Variants in CNTNAP2 observed in about 807,000 individuals in gnomAD.
CNTNAP2 encodes contactin associated protein 2, also known as contactin-associated protein-like 2.
In CNTNAP2, 98 loss-of-function variants were observed where a neutral mutation model predicts 155.2. That is an observed-to-expected ratio of 0.63 (90% confidence interval 0.54 to 0.75). The LOEUF is 0.75. Ranked by LOEUF, CNTNAP2 falls within the 30% of genes least tolerant of loss-of-function variation. The pLI is 0.00. For synonymous variants in CNTNAP2, 651 were observed against 631.2 expected, an observed-to-expected ratio of 1.03 and a Z score of -0.47; for missense variants, 1,727 against 1,688.1, an observed-to-expected ratio of 1.02 and a Z score of -0.40.
intron 16 of CNTNAP2, among the ~76,000 whole-genome samples, chr7:148,136,699 G>A (rs922994138): frequency 6.6e-6 from 1 of 151,980 alleles, no homozygotes; most frequent in African/African-American, 2.4e-5. Flanking sequence ...ACCATCCCAG[G>A]ATGGAGGCTG....
intron 3 of CNTNAP2, among the ~76,000 whole-genome samples, chr7:146,961,858 T>A (rs910226213): frequency 6.6e-6 from 1 of 152,138 alleles, no homozygotes; most frequent in Admixed American, 6.5e-5. Flanking sequence ...TGAGCTAAAT[T>A]TGACTCCTGA....
At chr7:148,412,368 G>A (rs1046046649) in intron 23 of CNTNAP2, among the ~76,000 whole-genome samples, 4 of 152,224 alleles carry the variant, frequency 2.6e-5, no homozygotes, top group African/African-American at 9.6e-5. Flanking sequence ...ACATCTTAAC[G>A]ATATTTAGTA....
At chr7:146,553,777 TA>T (rs111572722) in intron 1 of CNTNAP2, among the ~76,000 whole-genome samples, 23 of 149,898 alleles carry the variant, frequency 1.5e-4, no homozygotes, top group Middle Eastern at 3.5e-3. Flanking sequence ...TTTTGTTTCT[TA>T]AAAAAAAAAT....
At chr7:147,790,250 C>T (rs574421236) in intron 13 of CNTNAP2, among the ~76,000 whole-genome samples, 2 of 152,232 alleles carry the variant, frequency 1.3e-5, no homozygotes, top group South Asian at 4.2e-4. Flanking sequence ...CAGCCCTGCT[C>T]ACTTTCTTCA....
At chr7:146,597,963 C>A (rs149540109) in intron 1 of CNTNAP2, among the ~76,000 whole-genome samples, 3 of 152,172 alleles carry the variant, frequency 2.0e-5, no homozygotes, top group Non-Finnish European at 4.4e-5. Context: ...TGCAGCCTTA[C>A]AAGGTCATAA....
intron 3 of CNTNAP2, among the ~76,000 whole-genome samples, chr7:147,029,929 C>G (rs1423513690): frequency 1.3e-5 from 2 of 152,124 alleles, no homozygotes; most frequent in Non-Finnish European, 2.9e-5. Flanking sequence ...GCTCTTGGTT[C>G]CACATTCAGA....
chr7:147,012,567 T>G (rs943853462), intron 3 of CNTNAP2, among the ~76,000 whole-genome samples: 1 of 152,106 alleles, frequency 6.6e-6, no homozygotes, highest in Non-Finnish European at 1.5e-5. Flanking sequence ...TGGTCACAAC[T>G]TGAAAGTAAA....
chr7:147,043,370 G>A (rs1254382558), intron 3 of CNTNAP2, among the ~76,000 whole-genome samples: 3 of 152,082 alleles, frequency 2.0e-5, no homozygotes, highest in Non-Finnish European at 1.5e-5. Context: ...GAAAAAAACT[G>A]AATTAACATG....
chr7:146,441,769 G>C (rs144126390), intron 1 of CNTNAP2, among the ~76,000 whole-genome samples: 3 of 151,300 alleles, frequency 2.0e-5, no homozygotes, highest in African/African-American at 7.4e-5. Context: ...CTTCGCTCCT[G>C]GGTCTCCAGC....
Position 147,387,522 on chromosome 7 carries a change from G to T in CNTNAP2, c.1499-8087G>T, listed in dbSNP as rs530202033. Among the ~76,000 whole-genome samples the T allele has an allele frequency of 4.6e-5, 7 of 152,110 alleles. No individual in the cohort carries two copies. In the East Asian group the frequency reaches 1.2e-3, roughly 25 times the overall value. On this transcript the variant is annotated intron_variant, in intron 9 of 23. Coordinates refer to ENST00000361727, the MANE Select transcript of CNTNAP2 (RefSeq NM_014141.6). Reference sequence around the variant, plus strand: ...TAACATTGATCACTTGATTATAAAGGTATCTGCCTGGTTTCTCCAATGTAA... The same window carrying T: ...TAACATTGATCACTTGATTATAAAGTTATCTGCCTGGTTTCTCCAATGTAA...
intron 1 of CNTNAP2, among the ~76,000 whole-genome samples, chr7:146,230,817 C>A (rs576517645): frequency 2.8e-4 from 42 of 152,166 alleles, no homozygotes; most frequent in African/African-American, 9.6e-4. Flanking sequence ...GAGTTTGAGA[C>A]CAGCCTGGCC....
chr7:146,527,208 C>G lies in CNTNAP2; in HGVS notation c.98-247063C>G, dbSNP rs535061527. ...TTAGAAAGCTCCACAATTGGAATCA[C>G]ATAATAAATAATATTAACTAAATGG... On this transcript the variant is annotated intron_variant, in intron 1 of 23. Transcript: ENST00000361727. Among the ~76,000 whole-genome samples the G allele has an allele frequency of 9.9e-5, 15 of 152,188 alleles. No individual in the cohort carries two copies. In the East Asian group the frequency reaches 2.5e-3, roughly 25 times the overall value.
intron 1 of CNTNAP2, among the ~76,000 whole-genome samples, chr7:146,748,602 GCCA>G (rs1366978577): frequency 6.6e-6 from 1 of 152,140 alleles, no homozygotes; most frequent in Non-Finnish European, 1.5e-5. Flanking sequence ...AAAATCCTAT[GCCA>G]CCATTTTTCT....
chr7:146,735,330 A>G (rs945424974), intron 1 of CNTNAP2, among the ~76,000 whole-genome samples: 3 of 152,186 alleles, frequency 2.0e-5, no homozygotes, highest in Non-Finnish European at 4.4e-5. Context: ...AGACGGGCAG[A>G]TGACGAGGTC....
chr7:146,799,747 G>A (rs1349617163), intron 2 of CNTNAP2, among the ~76,000 whole-genome samples: 2 of 152,128 alleles, frequency 1.3e-5, no homozygotes, highest in Non-Finnish European at 2.9e-5. Flanking sequence ...ACCTTTCTCT[G>A]CTGCTAACTC....
At chr7:146,516,866 C>T (rs747862656) in intron 1 of CNTNAP2, among the ~76,000 whole-genome samples, 15 of 152,062 alleles carry the variant, frequency 9.9e-5, no homozygotes, top group South Asian at 2.1e-4. Context: ...GAAACTCCTT[C>T]GCAAAATCTT....
intron 15 of CNTNAP2, among the ~76,000 whole-genome samples, chr7:148,030,252 C>CTG (rs1315029482): frequency 6.6e-6 from 1 of 152,196 alleles, no homozygotes; most frequent in Non-Finnish European, 1.5e-5. Context: ...AGTTAGGTCT[C>CTG]TGTGAAATCA....
chr7:147,850,492 C>T (rs1368312590), intron 13 of CNTNAP2, among the ~76,000 whole-genome samples: 2 of 152,194 alleles, frequency 1.3e-5, no homozygotes, highest in Non-Finnish European at 2.9e-5. Context: ...AAGCTGGAGG[C>T]ATCACACTAC....
At chr7:146,243,947 TA>T (rs1799603013) in intron 1 of CNTNAP2, among the ~76,000 whole-genome samples, 1 of 151,982 alleles carries the variant, frequency 6.6e-6, no homozygotes, top group African/African-American at 2.4e-5. Context: ...CGAGCGGGAT[TA>T]GGGGCGGTGT....
Sources: gnomAD v4.1 joint callset for allele counts (sites outside exome capture counted in the v4.1 genomes callset) on GRCh38, gnomAD v4.1.1 for gene constraint, MANE v1.5 for transcripts, NCBI Gene and HGNC (gene_info 2026-07-23, HGNC 2026-07-21) for gene names.